Variants in UBE2Q1 observed in about 807,000 individuals in gnomAD.
UBE2Q1 encodes ubiquitin conjugating enzyme E2 Q1.
A neutral mutation model predicts 60.1 loss-of-function variants in UBE2Q1; 6 were observed. The observed-to-expected ratio is 0.10, with a 90% confidence interval of 0.05 to 0.20. The LOEUF (loss-of-function observed/expected upper bound fraction) is 0.20, where lower values mean the gene tolerates loss of function less well. Among genes scored for constraint, UBE2Q1 ranks in the 10% least tolerant of loss-of-function variants. The probability of loss-of-function intolerance (pLI) is 1.00; values close to 1 mark genes in which losing one functional copy is unlikely to be tolerated. For synonymous variants in UBE2Q1, 226 were observed against 208.3 expected (o/e 1.09, Z -0.73); for missense variants, 262 against 525.8 (o/e 0.50, Z 4.91).
In UBE2Q1 at chr1:154,550,241, A is replaced by G. The variant is rs1345356898; in HGVS notation, c.*197T>C. 1.4e-6 allele frequency: 1 copy of G among 736,608 alleles called. No individual in the cohort carries two copies. Among genetic ancestry groups the G allele is most frequent in the South Asian group, 2.0e-5 (1 of 50,850 alleles). 45.6% of individuals were successfully genotyped at this position (736,608 alleles called of 1,614,324 possible). A position where few individuals can be genotyped will look rare whatever the true frequency, so the allele number is the denominator to read the frequency against. ...TTGGTTGGTCTGTAAGTCAGTCTTG[A>G]GTACTTGAAACAGTTCTGTGTTTGT... is the stretch of plus-strand genomic sequence containing the variant. On this transcript the variant is annotated 3_prime_UTR_variant, in exon 13 of 13. Transcript: ENST00000292211.
chr1:154,552,885 A>AG (rs1259810514), intron 5 of UBE2Q1, 65 bp from the exon 6 acceptor site: 1 of 1,598,764 alleles, frequency 6.3e-7, no homozygotes, highest in Non-Finnish European at 8.5e-7. Flanking sequence ...GTTAGACCTT[A>AG]GGGGCAGTCT....
At chr1:154,556,037 TC>T (rs1557846126) in intron 1 of UBE2Q1, 73 bp from the exon 2 acceptor site, 4 of 1,352,140 alleles carry the variant, frequency 3.0e-6, no homozygotes, top group Non-Finnish European at 4.2e-6. Context: ...CCTGTCCTCT[TC>T]CCCCCAAGAC....
chr1:154,558,453 C>G lies in UBE2Q1; in HGVS notation c.101G>C (p.Gly34Ala), dbSNP rs1469467683. The G allele has an allele frequency of 7.0e-7, 1 of 1,430,482 alleles. No homozygotes were observed. The highest frequency in any genetic ancestry group is 9.2e-7 in the Non-Finnish European group (1 of 1,091,186). The allele number at this position is 1,430,482 out of a possible 1,614,324, so 88.6% of individuals were successfully genotyped here. Residue 34 changes from glycine to alanine, a missense_variant, in exon 1 of 13, where the codon GGC (glycine) becomes GCC (alanine). Coordinates refer to ENST00000292211, the MANE Select transcript of UBE2Q1 (RefSeq NM_017582.7). Reference sequence around the variant, plus strand: ...CCTCAGGCAGGGCCCCGGCCCCGGGCCCCCCCCTGGGCCGCCCCCGGCCCC... The same window carrying G: ...CCTCAGGCAGGGCCCCGGCCCCGGGGCCCCCCCTGGGCCGCCCCCGGCCCC... ...APGAGGGPGGGPGPGPCLRRE... is the reference protein window; with the variant it reads ...APGAGGGPGGAPGPGPCLRRE...
chr1:154,550,821 T>G (rs1411802129), intron 12 of UBE2Q1, 117 bp downstream of exon 12: 2 of 1,582,470 alleles, frequency 1.3e-6, no homozygotes, highest in African/African-American at 2.7e-5. Flanking sequence ...GCAGGTGCTG[T>G]GTTAATGGGT....
chr1:154,558,528 T>C lies in UBE2Q1; in HGVS notation c.26A>G (p.Gln9Arg). 1 of 1,088,368 alleles carries C rather than the reference T, an allele frequency of 9.2e-7. No homozygotes were observed. Among genetic ancestry groups the C allele is most frequent in the Non-Finnish European group, 1.1e-6 (1 of 912,544 alleles). 67.4% of individuals were successfully genotyped at this position (1,088,368 alleles called of 1,614,324 possible). Reference protein sequence around the residue: MQQPQPQGQQQPGPGQQLG... With the variant: MQQPQPQGRQQPGPGQQLG... ...CTGCTGCCCCGGCCCCGGCTGCTGC[T>C]GCCCCTGCGGCTGCGGCTGCTGCAT... The change falls in exon 1 of 13, where the codon CAG (glutamine) becomes CGG (arginine). Residue 9 changes from glutamine to arginine, a missense_variant. Physicochemically the swap from Gln to Arg is conservative, Grantham distance 43. This residue lies in a region of UBE2Q1 where 70 missense variants were observed against 56.7 expected (regional missense o/e 1.24). Transcript: ENST00000292211.
intron 1 of UBE2Q1, among the ~76,000 whole-genome samples, chr1:154,556,221 AC>A (rs1695884890): frequency 6.6e-6 from 1 of 152,156 alleles, no homozygotes; most frequent in Non-Finnish European, 1.5e-5. Flanking sequence ...CCTCGAGAGT[AC>A]AAACCAGGAA....
intron 4 of UBE2Q1, among the ~76,000 whole-genome samples, 165 bp from the exon 5 acceptor site, chr1:154,553,337 A>C (rs978218537): frequency 6.6e-6 from 1 of 152,186 alleles, no homozygotes; most frequent in East Asian, 1.9e-4. Context: ...TTTTTAGAAC[A>C]ATTTCCAGCC....
chr1:154,550,919 G>A lies in UBE2Q1; in HGVS notation c.1237+19C>T, dbSNP rs755597138. The A allele has an allele frequency of 1.9e-5, 31 of 1,614,016 alleles. No homozygotes were observed. Among genetic ancestry groups the A allele is most frequent in the East Asian group, 1.8e-4 (8 of 44,888 alleles). ...TGTGGCAAGTGTCCGAATCTCCTGA[G>A]TCCTGGCTCCAGCCTCACCGTTTTT... On this transcript the variant is annotated intron_variant, in intron 12 of 12. Transcript: ENST00000292211.
chr1:154,550,686 A>T (rs1283376238), intron 12 of UBE2Q1: 9 of 985,160 alleles, frequency 9.1e-6, no homozygotes, highest in Non-Finnish European at 1.1e-5. Context: ...GAGTTAGATG[A>T]GCTTTTTCAA....
chr1:154,558,419 C>T lies in UBE2Q1; in HGVS notation c.135G>A (p.Leu45=). Residue 45 remains leucine, a synonymous_variant, in exon 1 of 13, where the codon CTG becomes CTA. Transcript: ENST00000292211. ...PGPGPCLRRE[L]KLLESIFHRG... ...GGTGGAAGATGGACTCGAGCAGCTTCAGCTCTCGCCTCAGGCAGGGCCCCG... is the reference window on the plus strand; with the variant it reads ...GGTGGAAGATGGACTCGAGCAGCTTTAGCTCTCGCCTCAGGCAGGGCCCCG... 6.6e-7 allele frequency: 1 copy of T among 1,511,168 alleles called. No individual in the cohort carries two copies. Among genetic ancestry groups the T allele is most frequent in the Non-Finnish European group, 8.8e-7 (1 of 1,133,130 alleles). The allele number at this position is 1,511,168 out of a possible 1,614,324, so 93.6% of individuals were successfully genotyped here.
At chr1:154,552,324 G>C in intron 7 of UBE2Q1, 80 bp downstream of exon 7, 1 of 1,595,810 alleles carries the variant, frequency 6.3e-7, no homozygotes, top group South Asian at 1.1e-5. Context: ...GCTGGATGGG[G>C]CTGCCCTGGA....
chr1:154,552,921 G>T (rs1022445060), intron 5 of UBE2Q1, 101 bp from the exon 6 acceptor site: 3 of 1,588,310 alleles, frequency 1.9e-6, no homozygotes, highest in Middle Eastern at 1.7e-4. Flanking sequence ...ATTTAAGAAA[G>T]GATTAGGCAC....
At chr1:154,555,034 C>T (rs2149362428) in intron 3 of UBE2Q1, 1 of 536,376 alleles carries the variant, frequency 1.9e-6, no homozygotes, top group African/African-American at 1.9e-5. Flanking sequence ...TGTCACCCAC[C>T]TCCTAAATCC....
At chr1:154,555,179 C>T (rs909327984) in intron 3 of UBE2Q1, among the ~76,000 whole-genome samples, 2 of 152,148 alleles carry the variant, frequency 1.3e-5, no homozygotes, top group Admixed American at 6.5e-5. Flanking sequence ...AAAAATTCCC[C>T]CGCTCCCTTT....
intron 11 of UBE2Q1, 110 bp downstream of exon 11, chr1:154,551,287 C>T (rs1286213957): frequency 5.9e-6 from 7 of 1,188,748 alleles, no homozygotes; most frequent in Admixed American, 1.8e-5. Context: ...ATGCCACCAG[C>T]CCGGGGGCCT....
At position 154,552,721 on chromosome 1, in the gene UBE2Q1, C is replaced by A; in HGVS notation, c.814+15G>T. 6.2e-7 allele frequency: 1 copy of A among 1,612,770 alleles called. No homozygotes were observed. The highest frequency in any genetic ancestry group is 8.5e-7 in the Non-Finnish European group (1 of 1,179,214). ...GGGTGACTCTTGTGCAGGCCCCTCT[C>A]TGGGGCAAACTCACCGCCTTTGAAA... On this transcript the variant is annotated intron_variant, in intron 6 of 12. Transcript: ENST00000292211.
At chr1:154,554,673 G>C in intron 4 of UBE2Q1, 62 bp downstream of exon 4, 1 of 1,530,688 alleles carries the variant, frequency 6.5e-7, no homozygotes, top group Non-Finnish European at 9.0e-7. Context: ...TTCTGGATAT[G>C]GGTACCAATG....
At position 154,551,381 on chromosome 1, in the gene UBE2Q1, G is replaced by C. The variant is rs765768940; in HGVS notation, c.1170+16C>G. The C allele has an allele frequency of 1.2e-6, 2 of 1,613,142 alleles. No homozygotes were observed. The highest frequency in any genetic ancestry group is 2.7e-5 in the African/African-American group (2 of 74,886). ...GCTCCACCCAGCCCCACCAGCCCCA[G>C]GACCAGGATCCTTACTTTGTTGGCT... On this transcript the variant is annotated intron_variant, in intron 11 of 12. Transcript: ENST00000292211.
chr1:154,551,401 T>C lies in UBE2Q1; in HGVS notation c.1166A>G (p.Asn389Ser). ...CCCCAGGACCAGGATCCTTACTTTG[T>C]TGGCTCCAAACTGCACTCGTGCTTT... ...KGKARVQFGA[N>S]KSQYSLTRAQ... Residue 389 changes from asparagine (N) to serine (S), a missense_variant, in exon 11 of 13, where the codon AAC becomes AGC. Physicochemically the swap from Asn to Ser is conservative, Grantham distance 46 (BLOSUM62 1). Coordinates refer to ENST00000292211, the MANE Select transcript of UBE2Q1 (RefSeq NM_017582.7). The C allele has an allele frequency of 6.2e-7, 1 of 1,613,960 alleles. No homozygotes were observed. The highest frequency in any genetic ancestry group is 1.1e-5 in the South Asian group (1 of 91,078).
Sources: allele counts gnomAD v4.1 joint callset (sites outside exome capture counted in the v4.1 genomes callset), GRCh38; gene constraint gnomAD v4.1.1; regional missense constraint gnomAD v4.1.1; transcripts MANE v1.5; gene names NCBI Gene and HGNC (gene_info 2026-07-23, HGNC 2026-07-21).